Variants in DNAH9 observed in about 807,000 individuals in gnomAD.
The protein encoded by DNAH9 is dynein axonemal heavy chain 9, also known as DNAH9 variant protein.
Under a neutral mutation model 471.6 loss-of-function variants are expected in DNAH9, and 345 were observed. That is an observed-to-expected ratio of 0.73 (90% CI 0.67 to 0.80). The LOEUF (loss-of-function observed/expected upper bound fraction) is 0.80, where lower values mean the gene tolerates loss of function less well. Ranked by LOEUF, DNAH9 falls within the 30% of genes least tolerant of loss-of-function variation. DNAH9 has a pLI of 0.00. For missense variants in DNAH9, 5,407 were observed against 5,609.2 expected (o/e 0.96, Z 1.15); for synonymous variants, 2,093 against 2,123.6 (o/e 0.99, Z 0.40).
At chr17:11,917,936 A>G (rs970800838) in intron 61 of DNAH9, among the ~76,000 whole-genome samples, 1 of 152,002 alleles carries the variant, frequency 6.6e-6, no homozygotes, top group Non-Finnish European at 1.5e-5. Flanking sequence ...CTTGGTCTCC[A>G]TCCTTCTTTG....
At chr17:11,697,350 G>A (rs2074494625) in intron 22 of DNAH9, among the ~76,000 whole-genome samples, 1 of 152,010 alleles carries the variant, frequency 6.6e-6, no homozygotes, top group Non-Finnish European at 1.5e-5. Flanking sequence ...CTCAATCCAT[G>A]CAGATATCAC....
At chr17:11,648,161 A>T (rs1202650799) in intron 12 of DNAH9, among the ~76,000 whole-genome samples, 1 of 152,232 alleles carries the variant, frequency 6.6e-6, no homozygotes. Flanking sequence ...AAAAGCAGTC[A>T]CCTACATCTG....
intron 41 of DNAH9, among the ~76,000 whole-genome samples, chr17:11,792,459 T>C (rs1266275796): frequency 1.3e-5 from 2 of 152,178 alleles, no homozygotes; most frequent in Non-Finnish European, 2.9e-5. Flanking sequence ...AGCTTGAACT[T>C]AGAGAATTTG....
intron 14 of DNAH9, among the ~76,000 whole-genome samples, chr17:11,661,480 G>C (rs183537754): frequency 2.1e-4 from 32 of 152,094 alleles, no homozygotes; most frequent in African/African-American, 6.5e-4. Context: ...TTTTCTATTT[G>C]CTTCATTGCT....
Position 11,854,018 on chromosome 17 carries a change from C to T in DNAH9, c.9523C>T (p.Leu3175=), listed in dbSNP as rs906978456. 3.1e-6 allele frequency: 5 copies of T among 1,613,794 alleles called. No individual in the cohort carries two copies. Among genetic ancestry groups the T allele is most frequent in the East Asian group, 2.2e-5 (1 of 44,880 alleles). ...CTTTTCCCAGACCAACCTGACAGAG[C>T]TGAAGTCATTTGGCTCTCCGCCTCT... ...NTLNKTNLTE[L]KSFGSPPLAV... is the part of the protein sequence containing the mutation. The change falls in exon 50 of 69, where the codon CTG becomes TTG. Residue 3175 remains leucine, a synonymous_variant. Transcript: ENST00000262442.
Position 11,680,836 on chromosome 17 carries a change from C to T in DNAH9, c.3690C>T (p.Phe1230=), listed in dbSNP as rs576784942. ...TCCTCCGCCAGAGGTGCACAGCCTT[C>T]GATGCAGAACAGCAGCAATTCTGGG... The part of the protein sequence containing the change: ...VTLLRQRCTA[F]DAEQQQFWEQ... The change falls in exon 19 of 69, where the codon TTC becomes TTT. Residue 1230 remains phenylalanine, a synonymous_variant. Coordinates refer to ENST00000262442, the MANE Select transcript of DNAH9 (RefSeq NM_001372.4). 24 of 1,613,656 alleles carry T rather than the reference C, an allele frequency of 1.5e-5. No individual in the cohort carries two copies. In the East Asian group the frequency reaches 2.9e-4, roughly 19 times the overall value.
In DNAH9 at chr17:11,867,812, A is replaced by T. The variant is rs187739257; in HGVS notation, c.9934-1322A>T. Among the ~76,000 whole-genome samples the T allele has an allele frequency of 1.2e-3, 178 of 152,284 alleles. 1 individual carries two copies. Among genetic ancestry groups the T allele is most frequent in the Non-Finnish European group, 1.1e-3 (78 of 68,020 alleles). ...TGTGGCACCTTTATTCTCTGCCTCT[A>T]TTGACTTTCTTACATGGTGACATAG... On this transcript the variant is annotated intron_variant, in intron 50 of 68. Coordinates refer to ENST00000262442, the MANE Select transcript of DNAH9 (RefSeq NM_001372.4).
intron 62 of DNAH9, among the ~76,000 whole-genome samples, chr17:11,924,759 G>A (rs1245789569): frequency 6.6e-6 from 1 of 151,596 alleles, no homozygotes; most frequent in African/African-American, 2.4e-5. Flanking sequence ...GAGGAGCTGG[G>A]ATTACAGGAG....
intron 4 of DNAH9, among the ~76,000 whole-genome samples, chr17:11,615,750 T>C (rs540089926): frequency 6.6e-6 from 1 of 152,176 alleles, no homozygotes; most frequent in Non-Finnish European, 1.5e-5. Flanking sequence ...TTAAAAGAGA[T>C]TGTGATTTTT....
At position 11,810,592 on chromosome 17, in the gene DNAH9, G is replaced by A. The variant is rs112632040; in HGVS notation, c.8707+223G>A. Among the ~76,000 whole-genome samples, 40 of 152,272 alleles carry A rather than the reference G, an allele frequency of 2.6e-4. 1 individual carries two copies. The highest frequency in any genetic ancestry group is 9.7e-4 in the East Asian group (5 of 5,172). ...TTTCATTGCAAAACAGACAGTAATC[G>A]TGGAGCTCTCTTAGTGGGACTAGAC... On this transcript the variant is annotated intron_variant, in intron 45 of 68. Transcript: ENST00000262442.
intron 8 of DNAH9, among the ~76,000 whole-genome samples, chr17:11,635,266 A>C (rs1349788820): frequency 2.0e-5 from 3 of 151,658 alleles, no homozygotes; most frequent in African/African-American, 7.3e-5. Context: ...TTCTGGGTTC[A>C]AGTGATTCTC....
At chr17:11,785,512 C>T (rs1344151499) in intron 41 of DNAH9, among the ~76,000 whole-genome samples, 2 of 152,102 alleles carry the variant, frequency 1.3e-5, no homozygotes, top group Non-Finnish European at 2.9e-5. Context: ...CCAGCCTGAA[C>T]TCCTGATTGT....
rs746091107 is a variant in DNAH9, at chr17:11,930,103, CGG to C, written c.12105+12_12105+13del. ...GGACAACTTCACTCAGGTACGGCCC[CGG>C]GAGGGAGGCAAAAACAGCAGCACAC... On this transcript the variant is annotated intron_variant, in intron 63 of 68. Transcript: ENST00000262442. 3 of 1,609,344 alleles carry C rather than the reference CGG, an allele frequency of 1.9e-6. No homozygotes were observed. Among genetic ancestry groups the C allele is most frequent in the Non-Finnish European group, 2.5e-6 (3 of 1,177,168 alleles).
chr17:11,821,059 A>T (rs369291311), intron 45 of DNAH9, among the ~76,000 whole-genome samples: 9 of 152,270 alleles, frequency 5.9e-5, no homozygotes, highest in African/African-American at 1.9e-4. Context: ...AGGCGGGTGG[A>T]TCACCTGAGG....
intron 67 of DNAH9, among the ~76,000 whole-genome samples, chr17:11,946,683 AAAAG>A (rs1343649889): frequency 4.8e-4 from 72 of 149,490 alleles, no homozygotes; most frequent in Admixed American, 1.0e-3. Flanking sequence ...AAAAAAAAGA[AAAAG>A]AAAAAAAAAA....
intron 27 of DNAH9, among the ~76,000 whole-genome samples, chr17:11,722,703 C>T (rs146746520): frequency 3.5e-4 from 54 of 152,156 alleles, no homozygotes; most frequent in African/African-American, 1.0e-3. Flanking sequence ...AGGAGAACAG[C>T]GCAAAGACTT....
At chr17:11,682,941 G>T (rs553075961) in intron 19 of DNAH9, among the ~76,000 whole-genome samples, 28 of 152,258 alleles carry the variant, frequency 1.8e-4, no homozygotes, top group African/African-American at 6.5e-4. Flanking sequence ...CAAAACCCTT[G>T]TAGACTCCTT....
intron 61 of DNAH9, among the ~76,000 whole-genome samples, chr17:11,918,034 G>A (rs1338478561): frequency 6.6e-6 from 1 of 152,058 alleles, no homozygotes; most frequent in Non-Finnish European, 1.5e-5. Context: ...GTCTTCTACT[G>A]TCTCCTTTTC....
chr17:11,665,521 A>G (rs1365703902), intron 15 of DNAH9, among the ~76,000 whole-genome samples: 1 of 152,206 alleles, frequency 6.6e-6, no homozygotes, highest in East Asian at 1.9e-4. Flanking sequence ...CACAATGGGC[A>G]TTCTTTGAAG....
Sources: allele counts gnomAD v4.1 joint callset (sites outside exome capture counted in the v4.1 genomes callset), GRCh38; gene constraint gnomAD v4.1.1; transcripts MANE v1.5; gene names NCBI Gene and HGNC (gene_info 2026-07-23, HGNC 2026-07-21).